Variants in GLI3 observed in about 807,000 individuals in gnomAD.
GLI3 encodes the protein GLI family zinc finger 3.
Under a neutral mutation model 100.8 loss-of-function variants are expected in GLI3, and 20 were observed. The observed-to-expected ratio is 0.20, with a 90% CI of 0.14 to 0.29. GLI3 has a LOEUF of 0.29. GLI3 is among the 10% of genes least tolerant of loss of function. The probability of loss-of-function intolerance (pLI) is 1.00; values close to 1 mark genes in which losing one functional copy is unlikely to be tolerated. For synonymous variants in GLI3, 938 were observed against 860.5 expected, an observed-to-expected ratio of 1.09 and a Z score of -1.58; for missense variants, 2,040 against 2,128.5, an observed-to-expected ratio of 0.96 and a Z score of 0.82.
At chr7:42,013,458 T>A (rs1788673572) in intron 10 of GLI3, among the ~76,000 whole-genome samples, 1 of 151,948 alleles carries the variant, frequency 6.6e-6, no homozygotes, top group South Asian at 2.1e-4. Context: ...AGTGGTGCAA[T>A]CATAGCTCAT....
intron 10 of GLI3, among the ~76,000 whole-genome samples, chr7:41,991,272 A>G (rs1484646058): frequency 1.3e-5 from 2 of 152,178 alleles, no homozygotes; most frequent in Non-Finnish European, 2.9e-5. Flanking sequence ...TGCTCCCCAC[A>G]TCATAGAAAA....
chr7:42,124,153 T>C (rs1234401177), intron 3 of GLI3, among the ~76,000 whole-genome samples: 1 of 152,188 alleles, frequency 6.6e-6, no homozygotes, highest in Non-Finnish European at 1.5e-5. Context: ...TGATTTTCCT[T>C]TTGATAACTG....
intron 10 of GLI3, among the ~76,000 whole-genome samples, chr7:42,010,552 CT>C (rs1296272831): frequency 5.9e-5 from 9 of 152,134 alleles, no homozygotes; most frequent in African/African-American, 2.2e-4. Context: ...TCTGAAGTTT[CT>C]GATGAAGTGT....
intron 2 of GLI3, among the ~76,000 whole-genome samples, chr7:42,183,392 G>T (rs1201801305): frequency 6.6e-6 from 1 of 152,192 alleles, no homozygotes; most frequent in Admixed American, 6.5e-5. Context: ...TCATGTGCCA[G>T]GCTGTTATTT....
At chr7:42,089,749 C>G (rs1471281830) in intron 3 of GLI3, among the ~76,000 whole-genome samples, 1 of 152,180 alleles carries the variant, frequency 6.6e-6, no homozygotes, top group African/African-American at 2.4e-5. Flanking sequence ...TATAAATTTT[C>G]TTTCATCCGT....
At chr7:42,025,818 A>G (rs954289776) in intron 8 of GLI3, among the ~76,000 whole-genome samples, 5 of 152,218 alleles carry the variant, frequency 3.3e-5, no homozygotes, top group African/African-American at 1.2e-4. Flanking sequence ...GTCTTACTCT[A>G]AAGTACCACC....
chr7:42,132,163 C>CGG (rs1786294853), intron 3 of GLI3, among the ~76,000 whole-genome samples: 1 of 151,970 alleles, frequency 6.6e-6, no homozygotes, highest in African/African-American at 2.4e-5. Context: ...TGCAGTGGTT[C>CGG]AATCTCGGCT....
At chr7:42,211,752 G>A (rs962794179) in intron 2 of GLI3, among the ~76,000 whole-genome samples, 3 of 152,148 alleles carry the variant, frequency 2.0e-5, no homozygotes, top group African/African-American at 7.2e-5. Flanking sequence ...CCTCCCAAAG[G>A]TTCATTTGCA....
intron 10 of GLI3, among the ~76,000 whole-genome samples, chr7:41,989,080 TG>T (rs1227037349): frequency 6.6e-6 from 1 of 152,224 alleles, no homozygotes; most frequent in East Asian, 1.9e-4. Context: ...ATATCGACTT[TG>T]TTTCAGCCAA....
chr7:42,245,018 C>G (rs1788957896), intron 1 of GLI3, among the ~76,000 whole-genome samples: 1 of 152,168 alleles, frequency 6.6e-6, no homozygotes, highest in African/African-American at 2.4e-5. Flanking sequence ...CTTGTGTTTC[C>G]CAAGGGAAAT....
upstream of GLI3, among the ~76,000 whole-genome samples, chr7:42,237,519 C>T (rs1340031174): frequency 2.6e-5 from 4 of 151,762 alleles, no homozygotes; most frequent in Non-Finnish European, 5.9e-5. Context: ...AGTTGTCCCT[C>T]GGCTCCGCGC....
chr7:41,992,167 A>G (rs1163357796), intron 10 of GLI3, among the ~76,000 whole-genome samples: 1 of 152,228 alleles, frequency 6.6e-6, no homozygotes, highest in African/African-American at 2.4e-5. Context: ...AGTTGCTATA[A>G]TCATCCAAGA....
chr7:42,148,354 T>C lies in GLI3; in HGVS notation c.239A>G (p.Asp80Gly). 6.2e-7 allele frequency: 1 copy of C among 1,614,114 alleles called. No homozygotes were observed. The highest frequency in any genetic ancestry group is 1.3e-5 in the African/African-American group (1 of 75,052). ...KVSEEPSTSS[D>G]ERASLIKKEI... The stretch of plus-strand genomic sequence containing the variant: ...TTTCTTGATCAATGAGGCCCTCTCG[T>C]CACTCGATGTTGAAGGTTCCTCACT... Residue 80 changes from aspartate to glycine, a missense_variant, in exon 3 of 15, where the codon GAC becomes GGC. By Grantham distance (94) the Asp-to-Gly change is moderately conservative. This residue lies in a region of GLI3 where 603 missense variants were observed against 690.9 expected (regional missense o/e 0.87). Transcript: ENST00000395925.
intron 2 of GLI3, among the ~76,000 whole-genome samples, chr7:42,150,635 T>A (rs1352042748): frequency 6.6e-6 from 1 of 152,190 alleles, no homozygotes; most frequent in African/African-American, 2.4e-5. Flanking sequence ...CTCTGACACA[T>A]AATTAGCATT....
chr7:42,181,742 A>G (rs545595830), intron 2 of GLI3, among the ~76,000 whole-genome samples: 11 of 152,316 alleles, frequency 7.2e-5, no homozygotes, highest in African/African-American at 2.6e-4. Flanking sequence ...CCCACACTAC[A>G]TTCCCCTAAG....
intron 2 of GLI3, among the ~76,000 whole-genome samples, chr7:42,200,781 C>T (rs1788022272): frequency 6.7e-6 from 1 of 149,018 alleles, no homozygotes; most frequent in African/African-American, 2.5e-5. Flanking sequence ...AGACAGAAGA[C>T]TCTCCTTTAG....
intron 3 of GLI3, among the ~76,000 whole-genome samples, chr7:42,081,055 G>A (rs1201459911): frequency 6.6e-6 from 1 of 152,180 alleles, no homozygotes; most frequent in Non-Finnish European, 1.5e-5. Flanking sequence ...GAAAACTGCT[G>A]AAGCAGAAGG....
intron 1 of GLI3, among the ~76,000 whole-genome samples, chr7:42,245,893 A>G (rs1375502523): frequency 1.0e-5 from 1 of 97,330 alleles, no homozygotes; most frequent in Non-Finnish European, 2.1e-5. Context: ...AAGAGAGAAA[A>G]AAGAAAGAAA....
At chr7:42,258,682 G>A (rs6958181) in intron 1 of GLI3, among the ~76,000 whole-genome samples, 11,132 of 152,208 alleles carry the variant, frequency 0.073, 729 homozygotes, top group African/African-American at 0.18. Flanking sequence ...CTTGATTGAT[G>A]AATGGCCATC....
Sources: allele counts gnomAD v4.1 joint callset (sites outside exome capture counted in the v4.1 genomes callset), GRCh38; gene constraint gnomAD v4.1.1; regional missense constraint gnomAD v4.1.1; transcripts MANE v1.5; gene names NCBI Gene and HGNC (gene_info 2026-07-23, HGNC 2026-07-21).